The following MCTP1 variants were observed in gnomAD, a reference collection of about 807,000 sequenced individuals.
The protein encoded by MCTP1 is multiple C2 and transmembrane domain containing 1, also known as multiple C2 and transmembrane domain-containing protein 1.
MCTP1 carries 69 observed loss-of-function variants against 120.6 expected under a neutral mutation model. The observed-to-expected ratio is 0.57, with a 90% CI of 0.47 to 0.70. The LOEUF (loss-of-function observed/expected upper bound fraction) is 0.70, where lower values mean the gene tolerates loss of function less well. MCTP1 is among the 30% of genes least tolerant of loss of function. MCTP1 has a pLI of 0.00. For missense variants in MCTP1, 1,203 were observed against 1,248.8 expected (o/e 0.96, Z 0.55); for synonymous variants, 529 against 493.1 (o/e 1.07, Z -0.96).
chr5:95,041,311 G>GAAAAAAAAAAAAAAAAA (rs58379749), intron 1 of MCTP1, among the ~76,000 whole-genome samples: 273 of 89,452 alleles, frequency 3.1e-3, no homozygotes, highest in Middle Eastern at 7.4e-3. Context: ...CCCATGCTCT[G>GAAAAAAAAAAAAAAAAA]AAAAAAAAAA....
At chr5:95,279,137 T>A (rs1760110473) in intron 1 of MCTP1, among the ~76,000 whole-genome samples, 1 of 152,198 alleles carries the variant, frequency 6.6e-6, no homozygotes, top group South Asian at 2.1e-4. Context: ...TTAACCAGGA[T>A]TGGTAAATGA....
chr5:94,757,246 A>T (rs1329202386), intron 19 of MCTP1, among the ~76,000 whole-genome samples: 2 of 152,152 alleles, frequency 1.3e-5, no homozygotes, highest in African/African-American at 4.8e-5. Context: ...TGAAGCGTTT[A>T]TTGGGTGGCA....
intron 8 of MCTP1, 116 bp from the exon 9 acceptor site, chr5:94,913,092 ATTT>A: frequency 1.9e-6 from 1 of 514,290 alleles, no homozygotes; most frequent in South Asian, 4.5e-5. Context: ...GGCAATTATA[ATTT>A]TTTTAACTAA....
intron 1 of MCTP1, among the ~76,000 whole-genome samples, chr5:95,212,835 A>G (rs1752557842): frequency 6.6e-6 from 1 of 152,208 alleles, no homozygotes; most frequent in South Asian, 2.1e-4. Flanking sequence ...AAAAACTCTC[A>G]ATAAATTAGG....
intron 1 of MCTP1, among the ~76,000 whole-genome samples, chr5:95,246,884 A>T (rs1756851698): frequency 6.6e-6 from 1 of 152,316 alleles, no homozygotes; most frequent in East Asian, 1.9e-4. Flanking sequence ...AGGCTTTGGT[A>T]TCAGGGTGAT....
intron 1 of MCTP1, among the ~76,000 whole-genome samples, chr5:95,112,429 A>G (rs1363520891): frequency 6.6e-6 from 1 of 152,230 alleles, no homozygotes; most frequent in African/African-American, 2.4e-5. Context: ...AACGTTAGCT[A>G]TTTCTATCAC....
intron 19 of MCTP1, among the ~76,000 whole-genome samples, chr5:94,776,882 G>A (rs1775469077): frequency 6.6e-6 from 1 of 152,104 alleles, no homozygotes; most frequent in Admixed American, 6.6e-5. Flanking sequence ...GATGGAAGAT[G>A]GAACCTTGCA....
chr5:94,773,263 T>C (rs917071090), intron 19 of MCTP1, among the ~76,000 whole-genome samples: 5 of 152,212 alleles, frequency 3.3e-5, no homozygotes, highest in African/African-American at 7.2e-5. Context: ...CTGTAAAATA[T>C]ACCTCAGTTT....
intron 1 of MCTP1, among the ~76,000 whole-genome samples, chr5:95,222,959 T>C (rs910238429): frequency 9.2e-5 from 14 of 152,226 alleles, no homozygotes; most frequent in Non-Finnish European, 1.8e-4. Flanking sequence ...TGAGAGACGA[T>C]GGTGTGGATG....
Position 94,875,711 on chromosome 5 carries a change from C to T in MCTP1, c.1934-2470G>A, listed in dbSNP as rs543427879. 7.3e-5 allele frequency among the ~76,000 whole-genome samples: 11 copies of T among 150,500 alleles called. 1 individual carries two copies. The highest frequency in any genetic ancestry group is 4.2e-4 in the South Asian group (2 of 4,734). Reference sequence around the variant, plus strand: ...AATATACCCTCATATTATTATTTGACGCTGAAAAACAATTCACTGAGCTTA... The same window carrying T: ...AATATACCCTCATATTATTATTTGATGCTGAAAAACAATTCACTGAGCTTA... On this transcript the variant is annotated intron_variant, in intron 12 of 22. Coordinates refer to ENST00000515393, the MANE Select transcript of MCTP1 (RefSeq NM_024717.7).
At chr5:95,166,568 A>ATTTT (rs34176318) in intron 1 of MCTP1, among the ~76,000 whole-genome samples, 9 of 125,124 alleles carry the variant, frequency 7.2e-5, no homozygotes, top group African/African-American at 2.1e-4. Context: ...AATTTTAATC[A>ATTTT]TTTTTTTTTT....
intron 16 of MCTP1, among the ~76,000 whole-genome samples, 189 bp downstream of exon 16, chr5:94,870,228 T>C (rs1028369859): frequency 2.6e-5 from 4 of 152,150 alleles, no homozygotes; most frequent in African/African-American, 7.2e-5. Context: ...TGTCCTCGTT[T>C]GATCTTTTAA....
chr5:94,826,112 G>A (rs1787009903), intron 17 of MCTP1: 1 of 348,050 alleles, frequency 2.9e-6, no homozygotes, highest in Non-Finnish European at 5.6e-6. Flanking sequence ...TTTTCCAACA[G>A]TACAGATCTC....
chr5:95,121,955 A>C (rs556832406), intron 1 of MCTP1, among the ~76,000 whole-genome samples: 202 of 148,694 alleles, frequency 1.4e-3, no homozygotes, highest in East Asian at 3.1e-3. Context: ...AAAAAAAAGA[A>C]AGAAACTGTA....
At chr5:95,226,263 G>A (rs1255908371) in intron 1 of MCTP1, among the ~76,000 whole-genome samples, 1 of 152,062 alleles carries the variant, frequency 6.6e-6, no homozygotes, top group African/African-American at 2.4e-5. Context: ...GTTTTTTGGG[G>A]GAAAGCATGT....
intron 5 of MCTP1, among the ~76,000 whole-genome samples, chr5:94,936,881 T>TCTTTCTCCCCTCCCTC (rs1228303630): frequency 5.3e-5 from 8 of 151,998 alleles, no homozygotes; most frequent in Non-Finnish European, 7.4e-5. Flanking sequence ...AATGGGGGAA[T>TCTTTCTCCCCTCCCTC]CTTTCTCCCC....
chr5:95,245,525 T>G (rs1756661662), intron 1 of MCTP1, among the ~76,000 whole-genome samples: 2 of 152,020 alleles, frequency 1.3e-5, no homozygotes, highest in Non-Finnish European at 2.9e-5. Context: ...AACTTTGTGA[T>G]GCATGCACAA....
intron 22 of MCTP1, 120 bp downstream of exon 22, chr5:94,708,392 G>T (rs1346719978): frequency 1.6e-6 from 1 of 614,940 alleles, no homozygotes; most frequent in Non-Finnish European, 2.8e-6. Context: ...CTGCTACACA[G>T]GCTTTATTAA....
At chr5:94,970,225 T>A (rs1826491391) in intron 2 of MCTP1, among the ~76,000 whole-genome samples, 1 of 151,906 alleles carries the variant, frequency 6.6e-6, no homozygotes, top group Non-Finnish European at 1.5e-5. Context: ...AAATGCAGAG[T>A]TGAAGACATG....
Sources: gnomAD v4.1 joint callset for allele counts (sites outside exome capture counted in the v4.1 genomes callset) on GRCh38, gnomAD v4.1.1 for gene constraint, MANE v1.5 for transcripts, NCBI Gene and HGNC (gene_info 2026-07-23, HGNC 2026-07-21) for gene names.